The following TFEC variants were observed in gnomAD, a reference collection of about 807,000 sequenced individuals.
The protein encoded by TFEC is class E basic helix-loop-helix protein 34.
In TFEC, 31 loss-of-function variants were observed where a neutral mutation model predicts 41.6. The ratio of observed to expected loss-of-function variants is 0.74; its 90% CI spans 0.56 to 1.01. TFEC has a LOEUF of 1.01. Ranked by LOEUF, TFEC falls within the 50% of genes least tolerant of loss-of-function variation. The pLI is 0.00. For missense variants in TFEC, 402 were observed against 404.1 expected (o/e 0.99, Z 0.04); for synonymous variants, 143 against 140.6 (o/e 1.02, Z -0.12).
intron 1 of TFEC, among the ~76,000 whole-genome samples, chr7:116,159,283 G>A (rs1414009190): frequency 1.3e-5 from 2 of 151,730 alleles, no homozygotes; most frequent in African/African-American, 4.8e-5. Context: ...TATGAAATAT[G>A]TTTTTATCAA....
At chr7:116,150,747 C>T (rs901481624) in intron 1 of TFEC, among the ~76,000 whole-genome samples, 47 of 151,908 alleles carry the variant, frequency 3.1e-4, no homozygotes, top group African/African-American at 1.1e-3. Context: ...GAAACTAACA[C>T]TTAAAAATTC....
At chr7:116,141,517 A>C (rs1798540556) in intron 1 of TFEC, among the ~76,000 whole-genome samples, 1 of 152,214 alleles carries the variant, frequency 6.6e-6, no homozygotes, top group South Asian at 2.1e-4. Flanking sequence ...CAAAGGTAAA[A>C]CAGACAGAGT....
chr7:116,141,904 T>A (rs552315952), intron 1 of TFEC, among the ~76,000 whole-genome samples: 2 of 152,346 alleles, frequency 1.3e-5, no homozygotes, highest in South Asian at 2.1e-4. Flanking sequence ...TAGTCGCTCA[T>A]GTTAACCAGG....
chr7:116,110,459 A>G (rs1310637628), intron 3 of TFEC, among the ~76,000 whole-genome samples: 1 of 152,128 alleles, frequency 6.6e-6, no homozygotes, highest in Admixed American at 6.6e-5. Flanking sequence ...TGATAATAAC[A>G]GGAAAGGGAA....
At chr7:115,941,693 A>G in intron 7 of TFEC, 200 bp downstream of exon 7, 2 of 608,088 alleles carry the variant, frequency 3.3e-6, no homozygotes, top group Non-Finnish European at 5.7e-6. Context: ...ATACATATTC[A>G]GCCATCTTGA....
Position 116,042,659 on chromosome 7 carries a change from A to T in TFEC, c.199-58146T>A, listed in dbSNP as rs115226355. Among the ~76,000 whole-genome samples, 885 of 152,274 alleles carry T rather than the reference A, an allele frequency of 5.8e-3. 9 individuals carry two copies. The highest frequency in any genetic ancestry group is 0.02 in the African/African-American group (850 of 41,562). ...TGGAAACTTGAACTAAACATTTTTTAAAAAATCTTCCATGCCTGAATCCAA... is the reference window on the plus strand; with the variant it reads ...TGGAAACTTGAACTAAACATTTTTTTAAAAATCTTCCATGCCTGAATCCAA... On this transcript the variant is annotated intron_variant, in intron 3 of 8. Coordinates refer to the TFEC transcript ENST00000484212.
At chr7:116,088,768 A>G (rs988221191) in intron 3 of TFEC, among the ~76,000 whole-genome samples, 7 of 152,068 alleles carry the variant, frequency 4.6e-5, no homozygotes, top group Non-Finnish European at 1.0e-4. Context: ...ACTGAAATAT[A>G]TATGTACTTA....
chr7:115,952,373 G>GTA (rs1374375518), intron 5 of TFEC, among the ~76,000 whole-genome samples: 1 of 151,746 alleles, frequency 6.6e-6, no homozygotes, highest in African/African-American at 2.4e-5. Context: ...ATATAGAAAT[G>GTA]TATATATATA....
chr7:115,980,909 A>C (rs1793603204), intron 2 of TFEC, among the ~76,000 whole-genome samples: 1 of 152,202 alleles, frequency 6.6e-6, no homozygotes, highest in Admixed American at 6.5e-5. Flanking sequence ...ATCACTGTTA[A>C]TATTCTATGT....
upstream of TFEC, among the ~76,000 whole-genome samples, chr7:116,031,778 T>TA (rs1216263819): frequency 1.3e-5 from 2 of 152,054 alleles, no homozygotes; most frequent in African/African-American, 2.4e-5. Flanking sequence ...AGCTATTAAG[T>TA]AAAAAAATTG....
intron 3 of TFEC, among the ~76,000 whole-genome samples, chr7:116,043,080 A>G (rs1363685480): frequency 6.6e-6 from 1 of 152,190 alleles, no homozygotes; most frequent in African/African-American, 2.4e-5. Context: ...GTACTATAAC[A>G]TCAGAGGAAA....
chr7:116,094,725 C>T (rs576526860), intron 3 of TFEC, among the ~76,000 whole-genome samples: 4 of 151,586 alleles, frequency 2.6e-5, no homozygotes, highest in African/African-American at 9.7e-5. Context: ...AAAACAACAA[C>T]AAAAAAAACA....
chr7:116,002,396 T>A (rs945435920), intron 1 of TFEC, among the ~76,000 whole-genome samples: 8 of 152,194 alleles, frequency 5.3e-5, no homozygotes, highest in Non-Finnish European at 8.8e-5. Flanking sequence ...GTGCTGGAAG[T>A]CATTTTGTTA....
chr7:115,945,821 C>A (rs1403959022), intron 6 of TFEC, among the ~76,000 whole-genome samples: 2 of 151,620 alleles, frequency 1.3e-5, no homozygotes, highest in African/African-American at 2.4e-5. Context: ...AAACTACGGC[C>A]CATAGCTTAT....
rs188917106 is a variant in TFEC, at chr7:115,963,767, A to G, written c.268-6974T>C. Among the ~76,000 whole-genome samples, 4 of 151,866 alleles carry G rather than the reference A, an allele frequency of 2.6e-5. No individual in the cohort carries two copies. In the East Asian group the frequency reaches 7.8e-4, roughly 30 times the overall value. On this transcript the variant is annotated intron_variant, in intron 3 of 7. Coordinates refer to ENST00000265440, the MANE Select transcript of TFEC (RefSeq NM_012252.4). ...GTTATCAGGATCTGGAGATTCAGAG[A>G]TAAGGGGAGCTATTGTTTAATGAGT...
At chr7:115,992,004 GTC>G (rs1794140256) in intron 1 of TFEC, among the ~76,000 whole-genome samples, 1 of 152,096 alleles carries the variant, frequency 6.6e-6, no homozygotes, top group Admixed American at 6.6e-5. Context: ...ATAACAAACT[GTC>G]TCTCAGACCA....
intron 3 of TFEC, among the ~76,000 whole-genome samples, chr7:116,056,659 C>G (rs1342193965): frequency 6.6e-6 from 1 of 152,106 alleles, no homozygotes; most frequent in East Asian, 1.9e-4. Flanking sequence ...TAGAAGAAAT[C>G]TTAAACACCT....
At chr7:116,032,148 A>T (rs544510749), upstream of TFEC, among the ~76,000 whole-genome samples, 5 of 152,302 alleles carry the variant, frequency 3.3e-5, no homozygotes, top group East Asian at 9.6e-4. Flanking sequence ...ATGCACATAG[A>T]TACATATTCA....
intron 3 of TFEC, among the ~76,000 whole-genome samples, chr7:116,084,108 G>A (rs1464901599): frequency 1.3e-5 from 2 of 151,852 alleles, no homozygotes; most frequent in Admixed American, 6.6e-5. Context: ...TGCACAAACC[G>A]TCTTTCTTGG....
Sources: gnomAD v4.1 joint callset for allele counts (sites outside exome capture counted in the v4.1 genomes callset) on GRCh38, gnomAD v4.1.1 for gene constraint, MANE v1.5 for transcripts, NCBI Gene and HGNC (gene_info 2026-07-23, HGNC 2026-07-21) for gene names.